The following WDFY4 variants were observed in gnomAD, a reference collection of about 807,000 sequenced individuals.
WDFY4 encodes WD repeat- and FYVE domain-containing protein 4.
Under a neutral mutation model 351.9 loss-of-function variants are expected in WDFY4, and 169 were observed. The ratio of observed to expected loss-of-function variants is 0.48; its 90% CI spans 0.42 to 0.55. WDFY4 has a LOEUF of 0.55. Ranked by LOEUF, WDFY4 falls within the 20% of genes least tolerant of loss-of-function variation. WDFY4 has a pLI of 0.00. For synonymous variants in WDFY4, 1,622 were observed against 1,574.6 expected (o/e 1.03, Z -0.71); for missense variants, 3,803 against 3,935.6 (o/e 0.97, Z 0.90).
At chr10:48,736,168 C>CACATACAGTGGCTA in intron 11 of WDFY4, 98 bp downstream of exon 11, 1 of 1,405,666 alleles carries the variant, frequency 7.1e-7, no homozygotes, top group Non-Finnish European at 9.9e-7. Flanking sequence ...TTCAGTTAGC[C>CACATACAGTGGCTA]ACTGTATGTG....
At chr10:48,945,959 G>A in intron 49 of WDFY4, 81 bp from the exon 50 acceptor site, 1 of 956,754 alleles carries the variant, frequency 1.0e-6, no homozygotes, top group Non-Finnish European at 1.5e-6. Context: ...TCAATAAAGA[G>A]AACCATAAAA....
chr10:48,890,789 C>A (rs1162399438), intron 44 of WDFY4, 62 bp downstream of exon 44: 1 of 1,539,674 alleles, frequency 6.5e-7, no homozygotes, highest in Non-Finnish European at 8.8e-7. Flanking sequence ...TACCAGCCGC[C>A]CCCACTATTC....
intron 18 of WDFY4, 115 bp downstream of exon 18, chr10:48,778,947 T>G: frequency 1.7e-6 from 2 of 1,184,698 alleles, no homozygotes; most frequent in Non-Finnish European, 2.3e-6. Flanking sequence ...TTTCTCCTCA[T>G]CCTTTGAAAT....
chr10:48,913,391 C>T (rs765222001), intron 47 of WDFY4: 5 of 1,609,430 alleles, frequency 3.1e-6, no homozygotes, highest in Non-Finnish European at 4.2e-6. Context: ...TTCCAAGTCA[C>T]CTCCAGTCTT....
At chr10:48,719,138 C>T (rs1053720429) in intron 2 of WDFY4, among the ~76,000 whole-genome samples, 19 of 152,078 alleles carry the variant, frequency 1.2e-4, no homozygotes, top group African/African-American at 3.4e-4. Flanking sequence ...CAAACAATAA[C>T]AAATTAAAAG....
chr10:48,941,703 C>T, intron 47 of WDFY4, 103 bp from the exon 48 acceptor site: 1 of 1,234,030 alleles, frequency 8.1e-7, no homozygotes, highest in Non-Finnish European at 1.2e-6. Context: ...TGCAGCTTTC[C>T]TGAACACCCT....
chr10:48,860,879 G>T (rs2069315402), intron 39 of WDFY4, among the ~76,000 whole-genome samples: 1 of 152,022 alleles, frequency 6.6e-6, no homozygotes, highest in Non-Finnish European at 1.5e-5. Context: ...ATGTATCGAG[G>T]ACACATTCTG....
At chr10:48,795,558 A>C (rs560986913) in intron 23 of WDFY4, among the ~76,000 whole-genome samples, 54 of 145,130 alleles carry the variant, frequency 3.7e-4, no homozygotes, top group Non-Finnish European at 7.0e-4. Context: ...TAGTCTGGAA[A>C]GATATTGAGT....
In WDFY4 at chr10:48,830,845, C is replaced by G; in HGVS notation, c.6486C>G (p.Leu2162=). The change falls in exon 38 of 62, where the codon CTC becomes CTG. Residue 2162 remains leucine, a synonymous_variant. Transcript: ENST00000325239. ...TGAAGATTGAAGAGGTCACACCGCT[C>G]TGGGAGGAGACGATGCTCAAGGCCT... ...REVKIEEVTP[L]WEETMLKAWQ... 6.4e-7 allele frequency: 1 copy of G among 1,551,632 alleles called. No homozygotes were observed. The highest frequency in any genetic ancestry group is 8.7e-7 in the Non-Finnish European group (1 of 1,146,942).
intron 47 of WDFY4, among the ~76,000 whole-genome samples, chr10:48,909,239 A>G (rs1380059563): frequency 1.3e-5 from 2 of 152,184 alleles, no homozygotes; most frequent in Non-Finnish European, 2.9e-5. Flanking sequence ...ATTTATTACA[A>G]TTATCAAAAT....
At chr10:48,935,839 C>T (rs1840323013) in intron 47 of WDFY4, among the ~76,000 whole-genome samples, 2 of 151,628 alleles carry the variant, frequency 1.3e-5, no homozygotes, top group South Asian at 4.1e-4. Context: ...TTTGCTTTTC[C>T]TGCTGTTTCC....
At chr10:48,919,972 A>G (rs1014555625) in intron 47 of WDFY4, among the ~76,000 whole-genome samples, 2 of 152,210 alleles carry the variant, frequency 1.3e-5, no homozygotes, top group Non-Finnish European at 2.9e-5. Context: ...TCTTCAGACC[A>G]ATATTCTTCA....
intron 49 of WDFY4, among the ~76,000 whole-genome samples, chr10:48,944,195 C>A (rs1036817642): frequency 1.4e-4 from 21 of 152,188 alleles, no homozygotes; most frequent in African/African-American, 5.1e-4. Context: ...GATACAGACA[C>A]ACAGAAAGGA....
chr10:48,758,119 G>A (rs556098039), intron 12 of WDFY4, among the ~76,000 whole-genome samples: 2 of 152,058 alleles, frequency 1.3e-5, no homozygotes, highest in Non-Finnish European at 1.5e-5. Flanking sequence ...ATTATTCTTA[G>A]AACAAGTCTG....
chr10:48,981,920 C>A (rs1271604665), intron 61 of WDFY4, among the ~76,000 whole-genome samples: 1 of 152,218 alleles, frequency 6.6e-6, no homozygotes, highest in Non-Finnish European at 1.5e-5. Flanking sequence ...ACACTTCATA[C>A]CCGTTATTTG....
intron 16 of WDFY4, among the ~76,000 whole-genome samples, chr10:48,777,214 C>A (rs1354872790): frequency 3.9e-5 from 6 of 152,170 alleles, no homozygotes; most frequent in Admixed American, 1.3e-4. Flanking sequence ...TCTGGAACAC[C>A]CTCCCATCCT....
chr10:48,721,229 C>A (rs2064078177), intron 3 of WDFY4, 32 bp from the exon 4 acceptor site: 2 of 1,540,784 alleles, frequency 1.3e-6, no homozygotes, highest in Non-Finnish European at 1.8e-6. Flanking sequence ...GGGCAGGTCG[C>A]TGTATGCCCT....
chr10:48,738,004 T>C (rs2064726289), intron 11 of WDFY4, among the ~76,000 whole-genome samples: 1 of 152,200 alleles, frequency 6.6e-6, no homozygotes, highest in Admixed American at 6.5e-5. Flanking sequence ...TTCACTGCGC[T>C]GTTTGGTACA....
intron 1 of WDFY4, among the ~76,000 whole-genome samples, chr10:48,702,462 C>A (rs1205906246): frequency 1.3e-5 from 2 of 152,130 alleles, no homozygotes; most frequent in Non-Finnish European, 2.9e-5. Context: ...TCCAAAATGT[C>A]CTCTAAGTGG....
Sources: allele counts gnomAD v4.1 joint callset (sites outside exome capture counted in the v4.1 genomes callset), GRCh38; gene constraint gnomAD v4.1.1; transcripts MANE v1.5; gene names NCBI Gene and HGNC (gene_info 2026-07-23, HGNC 2026-07-21).